PCDH7: variants seen among roughly 807,000 people sequenced by gnomAD.
The protein encoded by PCDH7 is protocadherin-7.
PCDH7 carries 17 observed loss-of-function variants against 58.9 expected under a neutral mutation model. That is an observed-to-expected ratio of 0.29 (90% CI 0.20 to 0.43). The LOEUF is 0.43. Among genes scored for constraint, PCDH7 ranks in the 20% least tolerant of loss-of-function variants. The pLI, the probability that PCDH7 is intolerant of heterozygous loss-of-function variation, is 1.00. For synonymous variants in PCDH7, 664 were observed against 616.4 expected, an observed-to-expected ratio of 1.08 and a Z score of -1.14; for missense variants, 1,274 against 1,441.0, an observed-to-expected ratio of 0.88 and a Z score of 1.88.
chr4:30,902,682 GAA>G (rs916994299), intron 1 of PCDH7, among the ~76,000 whole-genome samples: 1 of 150,940 alleles, frequency 6.6e-6, no homozygotes, highest in Admixed American at 6.6e-5. Context: ...AACTTTTGTG[GAA>G]AAAAAAGAGA....
intron 3 of PCDH7, among the ~76,000 whole-genome samples, chr4:30,951,264 C>A (rs979469710): frequency 6.6e-6 from 1 of 152,058 alleles, no homozygotes; most frequent in Non-Finnish European, 1.5e-5. Flanking sequence ...ACATTTTCAC[C>A]GAACATTAAA....
chr4:31,016,133 A>G (rs1477751597), intron 3 of PCDH7, among the ~76,000 whole-genome samples: 1 of 152,172 alleles, frequency 6.6e-6, no homozygotes, highest in East Asian at 1.9e-4. Flanking sequence ...TGGTTTCTCA[A>G]TGTCCAAGGA....
chr4:31,094,240 A>G (rs866736553), intron 3 of PCDH7, among the ~76,000 whole-genome samples: 12 of 152,302 alleles, frequency 7.9e-5, no homozygotes, highest in Middle Eastern at 6.8e-3. Flanking sequence ...TAGCATCTTC[A>G]GGACCAAATA....
At chr4:30,830,462 TA>T (rs1006441222) in intron 1 of PCDH7, among the ~76,000 whole-genome samples, 1 of 152,068 alleles carries the variant, frequency 6.6e-6, no homozygotes, top group African/African-American at 2.4e-5. Flanking sequence ...TATTTTAGAC[TA>T]AAAAAAGATT....
intron 3 of PCDH7, among the ~76,000 whole-genome samples, chr4:31,127,523 T>C (rs545426440): frequency 6.6e-6 from 1 of 152,212 alleles, no homozygotes; most frequent in Admixed American, 6.5e-5. Flanking sequence ...ATTTTGTTGA[T>C]TGAAATAAAT....
chr4:31,046,053 C>A (rs28504467), intron 3 of PCDH7, among the ~76,000 whole-genome samples: 5,744 of 152,028 alleles, frequency 0.038, 387 homozygotes, highest in African/African-American at 0.13. Flanking sequence ...TCATCCACAA[C>A]CCTGCTATCT....
intron 3 of PCDH7, among the ~76,000 whole-genome samples, chr4:31,010,568 C>A (rs1282044872): frequency 1.3e-5 from 2 of 151,850 alleles, no homozygotes; most frequent in Non-Finnish European, 2.9e-5. Flanking sequence ...TCAAAATTAC[C>A]TTTGTAGTAC....
chr4:31,138,027 T>C (rs942681172), intron 3 of PCDH7, among the ~76,000 whole-genome samples: 1 of 152,184 alleles, frequency 6.6e-6, no homozygotes, highest in Non-Finnish European at 1.5e-5. Flanking sequence ...CAAGTCTTAA[T>C]GAGTCTACTG....
chr4:30,979,643 T>C (rs1750384731), intron 3 of PCDH7, among the ~76,000 whole-genome samples: 1 of 151,812 alleles, frequency 6.6e-6, no homozygotes, highest in Admixed American at 6.6e-5. Context: ...CATATGATCT[T>C]GAATGCCAGT....
At chr4:30,971,536 T>C (rs1749583436) in intron 3 of PCDH7, among the ~76,000 whole-genome samples, 1 of 152,222 alleles carries the variant, frequency 6.6e-6, no homozygotes, top group Admixed American at 6.5e-5. Context: ...TCAGAGTCAC[T>C]CTATTAAAAT....
rs34203962 is a variant in PCDH7 at position 31,114,632 on chromosome 4, AACACACACACACAC to A, written c.*8-27818_*8-27805del. On this transcript the variant is annotated intron_variant, in intron 3 of 3. Transcript: ENST00000509759. ...CACCATGCACACACTCACACATACA[AACACACACACACAC>A]ACACACACACACACACACACACGAA... 2.3e-4 allele frequency among the ~76,000 whole-genome samples: 33 copies of A among 143,688 alleles called. 2 individuals are homozygous for A. In the South Asian group the frequency reaches 7.4e-3, roughly 32 times the overall value. The allele number at this position is 143,688 out of a possible 152,430, so 94.3% of individuals were successfully genotyped here. A position where few individuals can be genotyped will look rare whatever the true frequency, so the allele number is the denominator to read the frequency against.
chr4:30,812,851 AT>A (rs1291733145), intron 1 of PCDH7, among the ~76,000 whole-genome samples: 1 of 152,176 alleles, frequency 6.6e-6, no homozygotes, highest in Admixed American at 6.5e-5. Context: ...TATGAATTTA[AT>A]TTTTCAGCTA....
At chr4:31,057,651 A>T (rs746533947) in intron 3 of PCDH7, among the ~76,000 whole-genome samples, 4 of 152,192 alleles carry the variant, frequency 2.6e-5, no homozygotes, top group Non-Finnish European at 5.9e-5. Flanking sequence ...AATCAACAGT[A>T]GTGTGATCAT....
rs566484894 is a variant in PCDH7 at position 30,820,283 on chromosome 4, T to A, written c.70+95687T>A. 2.6e-5 allele frequency among the ~76,000 whole-genome samples: 4 copies of A among 152,282 alleles called. No homozygotes were observed. The South Asian group carries it at 8.3e-4, about 32-fold the overall frequency. On this transcript the variant is annotated intron_variant, in intron 1 of 3. Transcript: ENST00000509759. Reference sequence around the variant, plus strand: ...AAAGCCCCAGGAGGGGGCTAGTTTATCTTAGTTTTCTTAATTTTCATACTT... The same window carrying A: ...AAAGCCCCAGGAGGGGGCTAGTTTAACTTAGTTTTCTTAATTTTCATACTT...
chr4:30,873,717 A>G (rs980382499), intron 1 of PCDH7, among the ~76,000 whole-genome samples: 1 of 152,088 alleles, frequency 6.6e-6, no homozygotes, highest in Non-Finnish European at 1.5e-5. Flanking sequence ...TGAATATGGC[A>G]TGCAATATGC....
At chr4:31,085,868 T>TTC (rs1712360063) in intron 3 of PCDH7, among the ~76,000 whole-genome samples, 1 of 150,690 alleles carries the variant, frequency 6.6e-6, no homozygotes, top group South Asian at 2.1e-4. Flanking sequence ...TTTTTTTTTT[T>TTC]CATCTCTTCC....
In PCDH7 at chr4:30,991,945, A is replaced by G. The variant is rs1010310566; in HGVS notation, c.*7+41730A>G. Among the ~76,000 whole-genome samples the G allele has an allele frequency of 1.1e-4, 16 of 152,292 alleles. 2 individuals carry two copies. The highest frequency in any genetic ancestry group is 5.9e-4 in the Admixed American group (9 of 15,292). ...ACTTCATGCAATTATTTGGCATGGA[A>G]CAGCACTTAAAACTTATTCTGTGTG... On this transcript the variant is annotated intron_variant, in intron 3 of 3. Transcript: ENST00000509759.
At chr4:31,079,371 A>G (rs1759309822) in intron 3 of PCDH7, among the ~76,000 whole-genome samples, 1 of 120,386 alleles carries the variant, frequency 8.3e-6, no homozygotes, top group African/African-American at 3.1e-5. Flanking sequence ...TATACACCAC[A>G]TTTTCAAAAT....
At chr4:31,125,609 T>A (rs1029406590) in intron 3 of PCDH7, among the ~76,000 whole-genome samples, 1 of 152,298 alleles carries the variant, frequency 6.6e-6, no homozygotes. Context: ...TTTTATCTTT[T>A]CCCAGGCTAA....
Sources: gnomAD v4.1 joint callset for allele counts (sites outside exome capture counted in the v4.1 genomes callset) on GRCh38, gnomAD v4.1.1 for gene constraint, MANE v1.5 for transcripts, NCBI Gene and HGNC (gene_info 2026-07-23, HGNC 2026-07-21) for gene names.